TNKS: variants seen among roughly 807,000 people sequenced by gnomAD.
TNKS encodes tankyrase.
Under a neutral mutation model 135.8 loss-of-function variants are expected in TNKS, and 72 were observed. The observed-to-expected ratio is 0.53, with a 90% CI of 0.44 to 0.64. The LOEUF (loss-of-function observed/expected upper bound fraction) is 0.64, where lower values mean the gene tolerates loss of function less well. Among genes scored for constraint, TNKS ranks in the 30% least tolerant of loss-of-function variants. The pLI, the probability that TNKS is intolerant of heterozygous loss-of-function variation, is 0.00. For missense variants in TNKS, 1,769 were observed against 1,674.0 expected, an observed-to-expected ratio of 1.06 and a Z score of -0.99; for synonymous variants, 849 against 649.3, an observed-to-expected ratio of 1.31 and a Z score of -4.68.
rs1436562097 is a variant in TNKS at position 9,708,420 on chromosome 8, A to C, written c.1506A>C (p.Leu502Phe). The change falls in exon 9 of 27, where the codon TTA becomes TTC. Residue 502 changes from leucine to phenylalanine, a missense_variant. Around this residue, in one of 5 missense-constraint regions of TNKS, gnomAD observed 523 missense variants for 541.0 expected, o/e 0.97. Coordinates refer to ENST00000310430, the MANE Select transcript of TNKS (RefSeq NM_003747.3). The stretch of plus-strand genomic sequence containing the variant: ...TACAAGCAGCCAGAGAAGCAGACTT[A>C]GCTAAAGTTAAAAAAACACTCGCTC... ...SLLQAAREAD[L>F]AKVKKTLALE... 2.5e-6 allele frequency: 4 copies of C among 1,610,562 alleles called. No individual in the cohort carries two copies. The highest frequency in any genetic ancestry group is 2.5e-6 in the Non-Finnish European group (3 of 1,178,262).
chr8:9,605,492 G>C (rs896414706), intron 2 of TNKS, among the ~76,000 whole-genome samples: 3 of 151,976 alleles, frequency 2.0e-5, no homozygotes. Flanking sequence ...GTTTCCTTTT[G>C]AGTAAATACT....
intron 11 of TNKS, among the ~76,000 whole-genome samples, chr8:9,717,619 G>T (rs35316422): frequency 0.61 from 92,272 of 151,806 alleles, 28,280 homozygotes; most frequent in Middle Eastern, 0.71. Context: ...CTCTTGTGAG[G>T]CATTCACTTA....
intron 25 of TNKS, among the ~76,000 whole-genome samples, chr8:9,769,207 G>A (rs777198356): frequency 2.6e-5 from 4 of 152,190 alleles, no homozygotes; most frequent in Non-Finnish European, 5.9e-5. Flanking sequence ...GCATGGCTGT[G>A]TGCCAATAAA....
rs923880011 is a variant in TNKS, at chr8:9,763,380, A to C, written c.3372+136A>C. The C allele has an allele frequency of 4.1e-5, 18 of 439,686 alleles. No homozygotes were observed. The Admixed American group carries it at 7.3e-4, about 18-fold the overall frequency. 27.2% of individuals were successfully genotyped at this position (439,686 alleles called of 1,614,324 possible). A position where few individuals can be genotyped will look rare whatever the true frequency, so the allele number is the denominator to read the frequency against. On this transcript the variant is annotated intron_variant, in intron 22 of 26. Transcript: ENST00000310430. The stretch of plus-strand genomic sequence containing the variant: ...CAGTCTGTCTTAGCCACTGTGGTAG[A>C]ATATTGCCAAAATTAAAATATGACG...
At chr8:9,724,339 A>G (rs1307329653) in intron 12 of TNKS, among the ~76,000 whole-genome samples, 1 of 152,100 alleles carries the variant, frequency 6.6e-6, no homozygotes, top group African/African-American at 2.4e-5. Context: ...TATGGTCCCA[A>G]CTACTCAGGA....
At chr8:9,658,621 T>G (rs1287118833) in intron 3 of TNKS, among the ~76,000 whole-genome samples, 7 of 152,212 alleles carry the variant, frequency 4.6e-5, no homozygotes, top group Admixed American at 1.3e-4. Context: ...TAACAGCCAC[T>G]GCAAAAACAT....
At chr8:9,629,499 G>A (rs919163657) in intron 3 of TNKS, among the ~76,000 whole-genome samples, 3 of 152,178 alleles carry the variant, frequency 2.0e-5, no homozygotes, top group African/African-American at 7.2e-5. Context: ...GACTGCAATG[G>A]TTAGTGCTTT....
chr8:9,579,405 A>G (rs1385686076), intron 1 of TNKS, among the ~76,000 whole-genome samples: 2 of 152,128 alleles, frequency 1.3e-5, no homozygotes, highest in African/African-American at 4.8e-5. Flanking sequence ...CAATTTCCCT[A>G]ATACAATGCT....
chr8:9,775,283 T>A (rs898754410), intron 26 of TNKS, among the ~76,000 whole-genome samples: 5 of 151,848 alleles, frequency 3.3e-5, no homozygotes, highest in African/African-American at 1.2e-4. Context: ...TGAGAAACTG[T>A]AATATTCTCA....
In TNKS at chr8:9,782,095, G is replaced by C. The variant is rs1355882250; in HGVS notation, c.*5359G>C. 1 of 152,324 alleles carries C rather than the reference G, an allele frequency of 6.6e-6. No individual in the cohort carries two copies. The highest frequency in any genetic ancestry group is 1.5e-5 in the Non-Finnish European group (1 of 68,012). 9.4% of individuals were successfully genotyped at this position (152,324 alleles called of 1,614,324 possible). A position where few individuals can be genotyped will look rare whatever the true frequency, so the allele number is the denominator to read the frequency against. ...CTAAATCTGGCAATCCTACAGCTGT[G>C]GTCATGGGAAATCACCTACAGCATG... is the stretch of plus-strand genomic sequence containing the variant. On this transcript the variant is annotated 3_prime_UTR_variant, in exon 27 of 27. Coordinates refer to ENST00000310430, the MANE Select transcript of TNKS (RefSeq NM_003747.3).
At chr8:9,662,851 A>G (rs111892700) in intron 3 of TNKS, among the ~76,000 whole-genome samples, 1 of 152,214 alleles carries the variant, frequency 6.6e-6, no homozygotes, top group South Asian at 2.1e-4. Flanking sequence ...GCCATTTACT[A>G]GTTGTGGTAG....
intron 26 of TNKS, among the ~76,000 whole-genome samples, chr8:9,775,771 A>T (rs1808197829): frequency 6.6e-6 from 1 of 151,948 alleles, no homozygotes; most frequent in South Asian, 2.1e-4. Flanking sequence ...CATTGAACAA[A>T]CTATTTTTGG....
At chr8:9,611,679 T>G (rs1040062432) in intron 2 of TNKS, among the ~76,000 whole-genome samples, 1 of 152,242 alleles carries the variant, frequency 6.6e-6, no homozygotes, top group African/African-American at 2.4e-5. Flanking sequence ...CTTTGCCTCA[T>G]GTATGTGCCA....
intron 3 of TNKS, among the ~76,000 whole-genome samples, chr8:9,627,030 C>T: frequency 6.6e-6 from 1 of 152,164 alleles, no homozygotes; most frequent in East Asian, 1.9e-4. Context: ...TCAGCCCAAC[C>T]ACTGAGGAAG....
At position 9,669,921 on chromosome 8, in the gene TNKS, T is replaced by C. The variant is rs568385002; in HGVS notation, c.995-10030T>C. Among the ~76,000 whole-genome samples the C allele has an allele frequency of 2.0e-5, 3 of 152,306 alleles. No individual in the cohort carries two copies. The South Asian group carries it at 6.2e-4, about 32-fold the overall frequency. On this transcript the variant is annotated intron_variant, in intron 3 of 26. Transcript: ENST00000310430. The stretch of plus-strand genomic sequence containing the variant: ...ATCTAAAAGGCTATAAAAAGGGCTA[T>C]TGAGATATAATGTCTAGAAAACCAG...
intron 6 of TNKS, among the ~76,000 whole-genome samples, chr8:9,705,497 C>T (rs1803999980): frequency 6.6e-6 from 1 of 152,162 alleles, no homozygotes; most frequent in Admixed American, 6.5e-5. Context: ...TTTGTCCCTC[C>T]CCAAGTCAAG....
chr8:9,568,463 G>C (rs1368231630), intron 1 of TNKS, among the ~76,000 whole-genome samples: 2 of 152,104 alleles, frequency 1.3e-5, no homozygotes, highest in East Asian at 3.9e-4. Context: ...TCTGTCTATG[G>C]AGACTTACCG....
chr8:9,768,820 T>C (rs1465542491), intron 25 of TNKS, among the ~76,000 whole-genome samples: 3 of 152,178 alleles, frequency 2.0e-5, no homozygotes, highest in Non-Finnish European at 4.4e-5. Flanking sequence ...CAGGAGAATA[T>C]AGTAGACCAA....
intron 3 of TNKS, 101 bp from the exon 4 acceptor site, chr8:9,679,846 CTCTT>C (rs1171533975): frequency 4.4e-5 from 42 of 964,406 alleles, no homozygotes; most frequent in Non-Finnish European, 4.1e-5. Flanking sequence ...GGTGTGGACT[CTCTT>C]TTTCTGTTCT....
Sources: allele counts gnomAD v4.1 joint callset (sites outside exome capture counted in the v4.1 genomes callset), GRCh38; gene constraint gnomAD v4.1.1; regional missense constraint gnomAD v4.1.1; transcripts MANE v1.5; gene names NCBI Gene and HGNC (gene_info 2026-07-23, HGNC 2026-07-21).